The following RIMS4 variants were observed in gnomAD, a reference collection of about 807,000 sequenced individuals.
RIMS4 encodes regulating synaptic membrane exocytosis protein 4.
A neutral mutation model predicts 29.0 loss-of-function variants in RIMS4; 9 were observed. The observed-to-expected ratio is 0.31, with a 90% confidence interval of 0.19 to 0.54. The LOEUF (loss-of-function observed/expected upper bound fraction) is 0.54, where lower values mean the gene tolerates loss of function less well. Among genes scored for constraint, RIMS4 ranks in the 20% least tolerant of loss-of-function variants. RIMS4 has a pLI of 0.94. For missense variants in RIMS4, 193 were observed against 365.7 expected (o/e 0.53, Z 3.85); for synonymous variants, 130 against 152.9 (o/e 0.85, Z 1.10).
chr20:44,800,451 C>T (rs1161913957), intron 1 of RIMS4, among the ~76,000 whole-genome samples: 3 of 152,088 alleles, frequency 2.0e-5, no homozygotes, highest in African/African-American at 7.2e-5. Context: ...GACAGGGGTG[C>T]CCAGGACACT....
At chr20:44,809,467 G>A (rs1601052187) in intron 1 of RIMS4, among the ~76,000 whole-genome samples, 1 of 152,074 alleles carries the variant, frequency 6.6e-6, no homozygotes, top group African/African-American at 2.4e-5. Flanking sequence ...CACCAAGAAA[G>A]GCGACTCCAG....
chr20:44,797,517 C>G (rs2066259929), intron 1 of RIMS4, among the ~76,000 whole-genome samples: 2 of 152,248 alleles, frequency 1.3e-5, no homozygotes, highest in South Asian at 4.1e-4. Context: ...TTCTCACTCC[C>G]ATCCTGGGGT....
chr20:44,780,274 A>G (rs540044843), intron 1 of RIMS4, among the ~76,000 whole-genome samples: 87 of 152,358 alleles, frequency 5.7e-4, no homozygotes, highest in African/African-American at 2.0e-3. Context: ...GGTGGTATAT[A>G]AAGTTGTGAC....
In RIMS4 at chr20:44,752,423, A is replaced by C. The variant is rs1417894356; in HGVS notation, c.*3711T>G. ...AGGGAATTGGCTTGTGAAGTACATA[A>C]CCACCCCCTAAGCCACCTGCTCCAC... On this transcript the variant is annotated 3_prime_UTR_variant, in exon 6 of 6. Coordinates refer to ENST00000372851, the MANE Select transcript of RIMS4 (RefSeq NM_182970.4). 1 of 152,208 alleles carries C rather than the reference A, an allele frequency of 6.6e-6. No homozygotes were observed. The highest frequency in any genetic ancestry group is 1.5e-5 in the Non-Finnish European group (1 of 68,090). The allele number at this position is 152,208 out of a possible 1,614,324, so 9.4% of individuals were successfully genotyped here.
intron 2 of RIMS4, among the ~76,000 whole-genome samples, chr20:44,770,095 G>A (rs866809218): frequency 2.6e-5 from 4 of 152,130 alleles, no homozygotes; most frequent in Admixed American, 6.5e-5. Flanking sequence ...GGACAGTTGT[G>A]GAATTTAACT....
chr20:44,789,686 G>T (rs11905014), intron 1 of RIMS4, among the ~76,000 whole-genome samples: 9,596 of 152,242 alleles, frequency 0.063, 976 homozygotes, highest in African/African-American at 0.22. Flanking sequence ...CTCCTGAGCA[G>T]CTAGGACTAT....
chr20:44,785,440 G>A (rs1239002796), intron 1 of RIMS4, among the ~76,000 whole-genome samples: 1 of 152,036 alleles, frequency 6.6e-6, no homozygotes, highest in Non-Finnish European at 1.5e-5. Flanking sequence ...CCAACTCCTG[G>A]GCTCAAGGGA....
At chr20:44,788,998 G>A (rs774449653) in intron 1 of RIMS4, among the ~76,000 whole-genome samples, 30 of 151,660 alleles carry the variant, frequency 2.0e-4, no homozygotes, top group Admixed American at 5.3e-4. Context: ...AATGCCTTAC[G>A]GCTGCACTGC....
In RIMS4 at chr20:44,758,128, C is replaced by CCCA; in HGVS notation, c.290_292dup (p.Leu97_Gly98insVal). On this transcript the variant is annotated inframe_insertion, in exon 3 of 6. Coordinates refer to ENST00000372851, the MANE Select transcript of RIMS4 (RefSeq NM_182970.4). ...CACAAACTGTGCCGGCCCCATGCTT[C>CCCA]CCAGGAAGTCACTGAACTGGGCGTC... The CCCA allele has an allele frequency of 6.2e-7, 1 of 1,613,802 alleles. No homozygotes were observed. The highest frequency in any genetic ancestry group is 8.5e-7 in the Non-Finnish European group (1 of 1,179,862).
At chr20:44,764,666 G>A (rs1221195445) in intron 2 of RIMS4, among the ~76,000 whole-genome samples, 1 of 152,194 alleles carries the variant, frequency 6.6e-6, no homozygotes, top group Non-Finnish European at 1.5e-5. Context: ...GATGTCTGAG[G>A]CGCATGTGTT....
chr20:44,756,089 G>T lies in RIMS4; in HGVS notation c.*45C>A, dbSNP rs1310777319. The stretch of plus-strand genomic sequence containing the variant: ...GGGCCTGGGGTCCCAGGTCAGGGCT[G>T]GGTGGTCTCCAGGCCATCTTGGGGA... On this transcript the variant is annotated 3_prime_UTR_variant, in exon 6 of 6. Coordinates refer to ENST00000372851, the MANE Select transcript of RIMS4 (RefSeq NM_182970.4). This position sits in a 1 kb window ranked among gnomAD's most constrained non-coding sequence, Gnocchi z 5.9. The T allele has an allele frequency of 2.0e-6, 3 of 1,468,748 alleles. No individual in the cohort carries two copies. The highest frequency in any genetic ancestry group is 1.8e-5 in the Admixed American group (1 of 56,516). 91.0% of individuals were successfully genotyped at this position (1,468,748 alleles called of 1,614,324 possible).
intron 1 of RIMS4, among the ~76,000 whole-genome samples, chr20:44,804,277 C>A (rs1243798581): frequency 1.3e-5 from 2 of 152,182 alleles, no homozygotes; most frequent in African/African-American, 4.8e-5. Context: ...CTGAGAGATG[C>A]TTGAACAAAA....
At chr20:44,794,002 G>T (rs930889648) in intron 1 of RIMS4, among the ~76,000 whole-genome samples, 1 of 152,208 alleles carries the variant, frequency 6.6e-6, no homozygotes, top group Non-Finnish European at 1.5e-5. Flanking sequence ...CCAAGAGTTT[G>T]CGGCTTCAGT....
chr20:44,764,203 C>CATCCATCCACTT (rs2066102606), intron 2 of RIMS4, among the ~76,000 whole-genome samples: 2 of 20,168 alleles, frequency 9.9e-5, no homozygotes, highest in Non-Finnish European at 1.8e-4. Flanking sequence ...TCCATCCATC[C>CATCCATCCACTT]ATCCATCCAC....
At chr20:44,764,412 G>A (rs1369621387) in intron 2 of RIMS4, among the ~76,000 whole-genome samples, 1 of 152,208 alleles carries the variant, frequency 6.6e-6, no homozygotes, top group Non-Finnish European at 1.5e-5. Flanking sequence ...AAAAAGGCAA[G>A]AATGCAGTAA....
At chr20:44,804,600 G>A (rs1407071477) in intron 1 of RIMS4, among the ~76,000 whole-genome samples, 1 of 152,320 alleles carries the variant, frequency 6.6e-6, no homozygotes, top group African/African-American at 2.4e-5. Flanking sequence ...CAAGAGGGTC[G>A]GCTGAGGGTG....
chr20:44,798,090 A>G (rs1423309817), intron 1 of RIMS4, among the ~76,000 whole-genome samples: 2 of 152,194 alleles, frequency 1.3e-5, no homozygotes, highest in East Asian at 1.9e-4. Flanking sequence ...ATACACGGCC[A>G]ACTTTTCATG....
intron 1 of RIMS4, among the ~76,000 whole-genome samples, chr20:44,784,991 T>TCTCA (rs2066201509): frequency 6.6e-6 from 1 of 152,196 alleles, no homozygotes; most frequent in South Asian, 2.1e-4. Context: ...ATTCAGCACT[T>TCTCA]CTCACAACTC....
intron 1 of RIMS4, among the ~76,000 whole-genome samples, chr20:44,777,544 G>A (rs972932843): frequency 1.2e-4 from 18 of 152,184 alleles, no homozygotes; most frequent in African/African-American, 4.3e-4. Flanking sequence ...GCTCAGAGCA[G>A]TTCAGCAACT....
Sources: gnomAD v4.1 joint callset for allele counts (sites outside exome capture counted in the v4.1 genomes callset) on GRCh38, gnomAD v4.1.1 for gene constraint, Gnocchi (gnomAD v3.1) non-coding constraint, MANE v1.5 for transcripts, NCBI Gene and HGNC (gene_info 2026-07-23, HGNC 2026-07-21) for gene names.